The following KCNMA1 variants were observed in gnomAD, a reference collection of about 807,000 sequenced individuals.
The protein encoded by KCNMA1 is potassium calcium-activated channel subfamily M alpha 1.
In KCNMA1, 29 loss-of-function variants were observed where a neutral mutation model predicts 140.0. The observed-to-expected ratio is 0.21, with a 90% CI of 0.15 to 0.28. The LOEUF (loss-of-function observed/expected upper bound fraction) is 0.28, where lower values mean the gene tolerates loss of function less well. KCNMA1 is among the 10% of genes least tolerant of loss of function. The pLI is 1.00. For synonymous variants in KCNMA1, 612 were observed against 611.9 expected, an observed-to-expected ratio of 1.00 and a Z score of 0.00; for missense variants, 880 against 1,602.2, an observed-to-expected ratio of 0.55 and a Z score of 7.70.
chr10:77,547,848 T>C (rs1376916096), intron 1 of KCNMA1, among the ~76,000 whole-genome samples: 2 of 152,200 alleles, frequency 1.3e-5, no homozygotes, highest in Non-Finnish European at 2.9e-5. Context: ...TCCAGCCCGA[T>C]GCCTATTTTT....
At chr10:76,931,795 C>G (rs1035776597) in intron 23 of KCNMA1, among the ~76,000 whole-genome samples, 3 of 152,180 alleles carry the variant, frequency 2.0e-5, no homozygotes, top group Non-Finnish European at 4.4e-5. Context: ...TTCCTCAACT[C>G]CTCTGTAGGC....
intron 2 of KCNMA1, among the ~76,000 whole-genome samples, chr10:77,257,637 C>G (rs2061059906): frequency 6.6e-6 from 1 of 152,214 alleles, no homozygotes; most frequent in Admixed American, 6.5e-5. Context: ...CAAATCTTAT[C>G]TTGAACTGTC....
At chr10:77,585,367 G>C (rs1009644620) in intron 1 of KCNMA1, among the ~76,000 whole-genome samples, 4 of 152,156 alleles carry the variant, frequency 2.6e-5, no homozygotes, top group Non-Finnish European at 5.9e-5. Context: ...TCACCAGGCC[G>C]TTGTCGCAGT....
intron 1 of KCNMA1, among the ~76,000 whole-genome samples, chr10:77,438,857 A>G (rs1006680889): frequency 5.3e-5 from 8 of 152,124 alleles, no homozygotes; most frequent in African/African-American, 1.7e-4. Context: ...CGGGTGGATC[A>G]CCTGAGGTCA....
chr10:77,449,208 AAAG>A (rs1246822469), intron 1 of KCNMA1, among the ~76,000 whole-genome samples: 2 of 152,186 alleles, frequency 1.3e-5, no homozygotes, highest in African/African-American at 4.8e-5. Flanking sequence ...ATTAAATAAA[AAAG>A]CTGCCTTTAT....
intron 23 of KCNMA1, among the ~76,000 whole-genome samples, chr10:76,928,131 T>C (rs886821965): frequency 5.9e-5 from 9 of 152,128 alleles, no homozygotes; most frequent in Admixed American, 2.0e-4. Flanking sequence ...AAACTTTATC[T>C]TTATTGCTCT....
intron 1 of KCNMA1, among the ~76,000 whole-genome samples, chr10:77,534,865 C>T (rs1268467148): frequency 6.6e-6 from 1 of 152,158 alleles, no homozygotes; most frequent in Non-Finnish European, 1.5e-5. Context: ...CCATACCTAC[C>T]ATTTACAGCT....
chr10:77,506,596 A>AGAGAGAGGGTGT lies in KCNMA1; in HGVS notation c.379-102574_379-102573insACACCCTCTCTC. Among the ~76,000 whole-genome samples, 3 of 83,532 alleles carry AGAGAGAGGGTGT rather than the reference A, an allele frequency of 3.6e-5. 1 individual carries two copies. The highest frequency in any genetic ancestry group is 1.5e-4 in the African/African-American group (2 of 13,376). 54.8% of individuals were successfully genotyped at this position (83,532 alleles called of 152,430 possible). A position where few individuals can be genotyped will look rare whatever the true frequency, so the allele number is the denominator to read the frequency against. ...TAGAGAGAGAGAGAGAGAGAGAGAG[A>AGAGAGAGGGTGT]GTGTGTGTGTGTGTGTGTGTGTGTT... On this transcript the variant is annotated intron_variant, in intron 1 of 27. Coordinates refer to ENST00000286628, the MANE Select transcript of KCNMA1 (RefSeq NM_001161352.2).
At chr10:77,159,703 C>G (rs1343086992) in intron 5 of KCNMA1, among the ~76,000 whole-genome samples, 1 of 152,132 alleles carries the variant, frequency 6.6e-6, no homozygotes, top group African/African-American at 2.4e-5. Flanking sequence ...ACTTCAGACT[C>G]CAGGAACCAG....
intron 14 of KCNMA1, among the ~76,000 whole-genome samples, chr10:77,055,673 C>T (rs1449235018): frequency 6.6e-6 from 1 of 152,120 alleles, no homozygotes; most frequent in Non-Finnish European, 1.5e-5. Context: ...GAAAACCAAA[C>T]CCTATTGCTT....
chr10:77,353,603 T>C (rs2093147631), intron 2 of KCNMA1, among the ~76,000 whole-genome samples: 1 of 151,864 alleles, frequency 6.6e-6, no homozygotes, highest in African/African-American at 2.4e-5. Flanking sequence ...ATATAATATA[T>C]ACATATATAA....
At chr10:77,635,873 G>A (rs2154571816) in intron 1 of KCNMA1, 1 of 154,324 alleles carries the variant, frequency 6.5e-6, no homozygotes, top group African/African-American at 2.4e-5. Flanking sequence ...ACACAGCTGA[G>A]CTCCAGCACC....
intron 2 of KCNMA1, among the ~76,000 whole-genome samples, chr10:77,389,091 T>C (rs1437676570): frequency 6.6e-6 from 1 of 152,210 alleles, no homozygotes; most frequent in Non-Finnish European, 1.5e-5. Context: ...AAATAGCCCA[T>C]TGAGGGTCTG....
intron 3 of KCNMA1, chr10:77,217,618 G>A: frequency 2.3e-6 from 1 of 434,676 alleles, no homozygotes. Context: ...AGTGGAAAAT[G>A]AGAAACAAAA....
At position 77,406,445 on chromosome 10, in the gene KCNMA1, C is replaced by A. The variant is rs1405575133; in HGVS notation, c.379-2422G>T. ...CTTGCTTCTTCTCGTGCCCCTGACA[C>A]CATAAAGCAATGGTTATCACAATGA... is the stretch of plus-strand genomic sequence containing the variant. On this transcript the variant is annotated intron_variant, in intron 1 of 27. Coordinates refer to ENST00000286628, the MANE Select transcript of KCNMA1 (RefSeq NM_001161352.2). Among the ~76,000 whole-genome samples the A allele has an allele frequency of 2.6e-5, 4 of 152,206 alleles. No individual in the cohort carries two copies. In the East Asian group the frequency reaches 7.7e-4, roughly 29 times the overall value.
chr10:77,591,123 C>T (rs2079013599), intron 1 of KCNMA1, among the ~76,000 whole-genome samples: 1 of 152,198 alleles, frequency 6.6e-6, no homozygotes, highest in Non-Finnish European at 1.5e-5. Context: ...GGGACTTCAT[C>T]TCAGCCAGCC....
chr10:77,021,005 T>C (rs1565587358), intron 16 of KCNMA1: 1 of 152,154 alleles, frequency 6.6e-6, no homozygotes, highest in Non-Finnish European at 1.5e-5. Context: ...TTATTGTTCC[T>C]TTTTTTAATT....
chr10:77,453,956 G>A (rs1379621475), intron 1 of KCNMA1, among the ~76,000 whole-genome samples: 1 of 152,142 alleles, frequency 6.6e-6, no homozygotes, highest in Non-Finnish European at 1.5e-5. Context: ...CAGCGTCTCT[G>A]TAGTGGGAAA....
intron 1 of KCNMA1, among the ~76,000 whole-genome samples, chr10:77,439,350 G>A (rs966370673): frequency 2.0e-5 from 3 of 152,194 alleles, no homozygotes; most frequent in Non-Finnish European, 2.9e-5. Flanking sequence ...TACGTTAGAG[G>A]TGGAGCCCAG....
Sources: allele counts gnomAD v4.1 joint callset (sites outside exome capture counted in the v4.1 genomes callset), GRCh38; gene constraint gnomAD v4.1.1; transcripts MANE v1.5; gene names NCBI Gene and HGNC (gene_info 2026-07-23, HGNC 2026-07-21).